Variants in TRPM8 observed in about 807,000 individuals in gnomAD.
The protein encoded by TRPM8 is TRPM8 cationic channel.
A neutral mutation model predicts 133.7 loss-of-function variants in TRPM8; 110 were observed. The observed-to-expected ratio is 0.82, with a 90% confidence interval of 0.70 to 0.96. TRPM8 has a LOEUF of 0.96. Ranked by LOEUF, TRPM8 falls within the 40% of genes least tolerant of loss-of-function variation. The pLI, the probability that TRPM8 is intolerant of heterozygous loss-of-function variation, is 0.00. For missense variants in TRPM8, 1,291 were observed against 1,379.5 expected (o/e 0.94, Z 1.02); for synonymous variants, 535 against 532.3 (o/e 1.01, Z -0.07).
rs1415396423 is a variant in TRPM8 at position 233,954,909 on chromosome 2, C to T, written c.1244-223C>T. 6 of 429,510 alleles carry T rather than the reference C, an allele frequency of 1.4e-5. No individual in the cohort carries two copies. In the Admixed American group the frequency reaches 2.0e-4, roughly 14 times the overall value. The allele number at this position is 429,510 out of a possible 1,614,324, so 26.6% of individuals were successfully genotyped here. On this transcript the variant is annotated intron_variant, in intron 10 of 25. Transcript: ENST00000324695. ...ACTGCTAGGATATGCAATGGAAAAA[C>T]ATTACTGTAGCCTGAGTTGATCCCC...
chr2:234,002,993 G>A (rs1207990178), intron 22 of TRPM8, among the ~76,000 whole-genome samples: 1 of 152,150 alleles, frequency 6.6e-6, no homozygotes, highest in Non-Finnish European at 1.5e-5. Flanking sequence ...GATTCAGAAA[G>A]TAAAAATATA....
Position 233,986,883 on chromosome 2 carries a change from G to C in TRPM8, c.2939+1018G>C, listed in dbSNP as rs527843118. ...AGCACATAAAAAAGGACTTAATCTT[G>C]TGGATAGGAAAGTTCAGGTGGAAAC... On this transcript the variant is annotated intron_variant, in intron 21 of 25. Transcript: ENST00000324695. Among the ~76,000 whole-genome samples the C allele has an allele frequency of 1.2e-4, 18 of 152,304 alleles. No homozygotes were observed. In the South Asian group the frequency reaches 3.7e-3, roughly 32 times the overall value.
intron 2 of TRPM8, among the ~76,000 whole-genome samples, chr2:233,929,207 C>T (rs1357294848): frequency 6.6e-6 from 1 of 152,068 alleles, no homozygotes; most frequent in African/African-American, 2.4e-5. Context: ...TCATGACTAA[C>T]TGGAAAATAT....
chr2:233,968,154 C>T (rs1691622453), intron 15 of TRPM8: 1 of 152,008 alleles, frequency 6.6e-6, no homozygotes, highest in Non-Finnish European at 1.5e-5. Context: ...GGCCTGGCGT[C>T]TGCATCACCC....
intron 22 of TRPM8, among the ~76,000 whole-genome samples, chr2:234,002,712 A>G (rs1167407642): frequency 1.3e-5 from 2 of 152,234 alleles, no homozygotes; most frequent in Non-Finnish European, 2.9e-5. Flanking sequence ...TTTGGAGTTA[A>G]GGGCAATTTG....
At chr2:233,991,617 A>G (rs144253973) in intron 21 of TRPM8, among the ~76,000 whole-genome samples, 3 of 152,308 alleles carry the variant, frequency 2.0e-5, no homozygotes, top group African/African-American at 2.4e-5. Flanking sequence ...ATTTCAGTGT[A>G]TTTGAAAATT....
At chr2:233,927,582 G>A (rs1178885059) in intron 2 of TRPM8, among the ~76,000 whole-genome samples, 2 of 152,094 alleles carry the variant, frequency 1.3e-5, no homozygotes, top group Non-Finnish European at 1.5e-5. Context: ...AAGGGTGGTG[G>A]TAGCTTTTCC....
chr2:234,015,496 G>A (rs750849386), intron 25 of TRPM8, among the ~76,000 whole-genome samples: 36 of 152,060 alleles, frequency 2.4e-4, no homozygotes, highest in Non-Finnish European at 4.4e-4. Flanking sequence ...GCTGGCCCTG[G>A]CACTGACCTC....
intron 22 of TRPM8, among the ~76,000 whole-genome samples, chr2:234,000,941 G>T (rs1692547152): frequency 6.6e-6 from 1 of 152,198 alleles, no homozygotes. Context: ...GCCTCCTAAA[G>T]TTCCCGGATT....
chr2:233,917,956 C>A lies in TRPM8; in HGVS notation c.-6+524C>A, dbSNP rs114906592. ...TGTTTTTACATACTGTGTTTCCTTC[C>A]GTTCTTCCAGCCTGTTGAAACAGGC... On this transcript the variant is annotated intron_variant, in intron 1 of 25. Coordinates refer to ENST00000324695, the MANE Select transcript of TRPM8 (RefSeq NM_024080.5). Among the ~76,000 whole-genome samples the A allele has an allele frequency of 3.4e-3, 520 of 152,220 alleles. 1 individual carries two copies. The highest frequency in any genetic ancestry group is 0.012 in the African/African-American group (487 of 41,542).
intron 19 of TRPM8, 90 bp from the exon 20 acceptor site, chr2:233,982,963 T>C (rs529478636): frequency 7.0e-7 from 1 of 1,431,950 alleles, no homozygotes; most frequent in Admixed American, 2.0e-5. Flanking sequence ...CCGCTGCTCT[T>C]CTCCATGGTC....
In TRPM8 at chr2:233,939,125, C is replaced by A. The variant is rs778641749; in HGVS notation, c.476C>A (p.Pro159Gln). The A allele has an allele frequency of 3.2e-5, 51 of 1,614,036 alleles. No individual in the cohort carries two copies. The highest frequency in any genetic ancestry group is 4.2e-5 in the Non-Finnish European group (49 of 1,180,058). The change falls in exon 5 of 26, where the codon CCG (proline) becomes CAG (glutamine). Residue 159 changes from proline (P) to glutamine (Q), a missense_variant. By Grantham distance (76) the Pro-to-Gln change is moderately conservative. Transcript: ENST00000324695. Reference sequence around the variant, plus strand: ...GGCGCCAAGAACTTCGCCCTGAAGCCGCGCATGCGCAAGATCTTCAGCCGG... The same window carrying A: ...GGCGCCAAGAACTTCGCCCTGAAGCAGCGCATGCGCAAGATCTTCAGCCGG... ...TGGAKNFALK[P>Q]RMRKIFSRLI...
Position 233,926,618 on chromosome 2 carries a change from C to G in TRPM8, c.81C>G (p.Ser27Arg). 2 of 1,614,060 alleles carry G rather than the reference C, an allele frequency of 1.2e-6. No homozygotes were observed. The highest frequency in any genetic ancestry group is 1.7e-6 in the Non-Finnish European group (2 of 1,179,944). The change falls in exon 2 of 26, where the codon AGC (serine) becomes AGG (arginine). Residue 27 changes from serine (S) to arginine (R), a missense_variant. This residue lies in a region of TRPM8 where 963 missense variants were observed against 968.9 expected (regional missense o/e 0.99). Transcript: ENST00000324695. ...ACAGCACCCGGACCCTGTACTCCAG[C>G]GCGTCTCGGAGCACAGACTTGTCTT... is the stretch of plus-strand genomic sequence containing the variant. ...TLDSTRTLYS[S>R]ASRSTDLSYS... is the part of the protein sequence containing the mutation.
At chr2:233,928,160 G>A (rs1048775210) in intron 2 of TRPM8, among the ~76,000 whole-genome samples, 1 of 151,442 alleles carries the variant, frequency 6.6e-6, no homozygotes, top group Non-Finnish European at 1.5e-5. Context: ...TAGTAGAGAC[G>A]GGGTTTCACT....
At chr2:233,922,015 A>C (rs1337808997) in intron 1 of TRPM8, among the ~76,000 whole-genome samples, 3 of 152,098 alleles carry the variant, frequency 2.0e-5, no homozygotes, top group Non-Finnish European at 2.9e-5. Flanking sequence ...CAAATGTAAG[A>C]TTTGATTGAC....
rs1386170800 is a variant in TRPM8, at chr2:233,945,900, T to C, written c.744T>C (p.Asp248=). The change falls in exon 7 of 26, where the codon GAT becomes GAC. Residue 248 remains aspartate, a synonymous_variant. Transcript: ENST00000324695. The part of the protein sequence containing the change: ...AQYLMDDFTR[D]PLYILDNNHT... ...ACCTTATGGATGACTTCACAAGAGA[T>C]CCACTGTATATCCTGGACAACAACC... 5.0e-6 allele frequency: 8 copies of C among 1,614,054 alleles called. No individual in the cohort carries two copies. Among genetic ancestry groups the C allele is most frequent in the Non-Finnish European group, 6.8e-6 (8 of 1,180,006 alleles).
intron 3 of TRPM8, among the ~76,000 whole-genome samples, chr2:233,931,064 G>A (rs530358097): frequency 3.9e-5 from 6 of 152,308 alleles, no homozygotes; most frequent in African/African-American, 1.4e-4. Context: ...CTGTTGGCTG[G>A]CAATACCATG....
In TRPM8 at chr2:233,970,367, C is replaced by T; in HGVS notation, c.2296C>T (p.Pro766Ser). 1.9e-6 allele frequency: 3 copies of T among 1,614,114 alleles called. No individual in the cohort carries two copies. Among genetic ancestry groups the T allele is most frequent in the Non-Finnish European group, 2.5e-6 (3 of 1,180,042 alleles). Residue 766 changes from proline to serine, a missense_variant, in exon 17 of 26, where the codon CCC (proline) becomes TCC (serine). Coordinates refer to ENST00000324695, the MANE Select transcript of TRPM8 (RefSeq NM_024080.5). ...LLMDFHSVPHPPELVLYSLVF... is the reference protein window; with the variant it reads ...LLMDFHSVPHSPELVLYSLVF... ...CATGGATTTCCATTCGGTGCCACAC[C>T]CCCCCGAGCTGGTCCTGTACTCGCT...
intron 12 of TRPM8, among the ~76,000 whole-genome samples, chr2:233,962,282 C>A (rs1004594059): frequency 6.6e-6 from 1 of 152,160 alleles, no homozygotes; most frequent in Admixed American, 6.5e-5. Context: ...CTGATCAGAG[C>A]CCAGTAGCGT....
Sources: allele counts gnomAD v4.1 joint callset (sites outside exome capture counted in the v4.1 genomes callset), GRCh38; gene constraint gnomAD v4.1.1; regional missense constraint gnomAD v4.1.1; transcripts MANE v1.5; gene names NCBI Gene and HGNC (gene_info 2026-07-23, HGNC 2026-07-21).